Variants in RESF1 observed in about 807,000 individuals in gnomAD.
RESF1 encodes the protein gonad expressed transcript.
Under a neutral mutation model 134.7 loss-of-function variants are expected in RESF1, and 65 were observed. The observed-to-expected ratio is 0.48, with a 90% CI of 0.40 to 0.59. The LOEUF is 0.59. Ranked by LOEUF, RESF1 falls within the 20% of genes least tolerant of loss-of-function variation. The pLI, the probability that RESF1 is intolerant of heterozygous loss-of-function variation, is 0.00. For synonymous variants in RESF1, 762 were observed against 702.2 expected, an observed-to-expected ratio of 1.09 and a Z score of -1.35; for missense variants, 2,274 against 2,002.7, an observed-to-expected ratio of 1.14 and a Z score of -2.59.
Position 31,982,526 on chromosome 12 carries a change from T to G in RESF1, c.1571T>G (p.Val524Gly), listed in dbSNP as rs775807496. Residue 524 changes from valine to glycine, a missense_variant, in exon 4 of 6, where the codon GTT (valine) becomes GGT (glycine). Val to Gly is a moderately radical substitution (Grantham distance 109). Transcript: ENST00000312561. ...PMPDSSHDVK[V>G]LTSKTSAVEM... ...CCAGACTCATCTCATGATGTGAAAG[T>G]TCTCACTTCAAAGACATCAGCTGTT... 2 of 1,613,704 alleles carry G rather than the reference T, an allele frequency of 1.2e-6. No individual in the cohort carries two copies. The highest frequency in any genetic ancestry group is 3.3e-5 in the Admixed American group (2 of 60,022).
At position 31,980,859 on chromosome 12, in the gene RESF1, A is replaced by C. The variant is rs932872263; in HGVS notation, c.-78-19A>C. 6 of 919,298 alleles carry C rather than the reference A, an allele frequency of 6.5e-6. No individual in the cohort carries two copies. The highest frequency in any genetic ancestry group is 9.7e-6 in the Non-Finnish European group (6 of 615,748). The allele number at this position is 919,298 out of a possible 1,614,324, so 56.9% of individuals were successfully genotyped here. ...CTAGGCAAAACAGCATTTTAATAAAATATCTTTATTTCTTACAGATTCCTG... is the reference window on the plus strand; with the variant it reads ...CTAGGCAAAACAGCATTTTAATAAACTATCTTTATTTCTTACAGATTCCTG... On this transcript the variant is annotated intron_variant, in intron 3 of 5. Transcript: ENST00000312561.
chr12:31,963,358 A>G (rs1184522868), intron 2 of RESF1, among the ~76,000 whole-genome samples: 3 of 150,518 alleles, frequency 2.0e-5, no homozygotes, highest in African/African-American at 7.4e-5. Context: ...AAAAAAAAAA[A>G]GTTCATGGAG....
At chr12:31,967,097 C>T (rs1225552348) in intron 2 of RESF1, among the ~76,000 whole-genome samples, 1 of 152,188 alleles carries the variant, frequency 6.6e-6, no homozygotes, top group Non-Finnish European at 1.5e-5. Flanking sequence ...AGGACTTTAC[C>T]ACCTTGGGGG....
chr12:31,981,801 C>T lies in RESF1; in HGVS notation c.846C>T (p.Tyr282=). The part of the protein sequence containing the change: ...QTDKRPPPPP[Y]NCRYGSQPLQ... ...ACAAAAGACCTCCTCCTCCTCCTTA[C>T]AACTGTAGATATGGAAGCCAGCCTT... Residue 282 remains tyrosine (Y), a synonymous_variant, in exon 4 of 6, where the codon TAC becomes TAT. Transcript: ENST00000312561. 2 of 1,614,006 alleles carry T rather than the reference C, an allele frequency of 1.2e-6. No individual in the cohort carries two copies. The highest frequency in any genetic ancestry group is 1.7e-6 in the Non-Finnish European group (2 of 1,180,038).
rs1339490332 is a variant in RESF1, at chr12:31,983,747, A to T, written c.2792A>T (p.Gln931Leu). ...VEPQKPSLPN[Q>L]QGIGSREPEK... ...CCACAGAAACCTTCTCTACCCAATCAGCAAGGGATTGGCAGCAGAGAACCA... is the reference window on the plus strand; with the variant it reads ...CCACAGAAACCTTCTCTACCCAATCTGCAAGGGATTGGCAGCAGAGAACCA... Residue 931 changes from glutamine to leucine, a missense_variant, in exon 4 of 6, where the codon CAG becomes CTG. Coordinates refer to ENST00000312561, the MANE Select transcript of RESF1 (RefSeq NM_018169.4). 6.2e-7 allele frequency: 1 copy of T among 1,613,754 alleles called. No individual in the cohort carries two copies. Among genetic ancestry groups the T allele is most frequent in the Non-Finnish European group, 8.5e-7 (1 of 1,180,014 alleles).
At position 31,960,771 on chromosome 12, in the gene RESF1, C is replaced by T. The variant is rs1323966843; in HGVS notation, c.-341-6C>T. On this transcript the variant is annotated splice_region_variant and splice_polypyrimidine_tract_variant and intron_variant, in intron 1 of 5. Coordinates refer to ENST00000312561, the MANE Select transcript of RESF1 (RefSeq NM_018169.4). The stretch of plus-strand genomic sequence containing the variant: ...TTTATTATAAAATGTTTCTTGCTGT[C>T]CCTAGGACCAAAGAAGTAAACACTG... 6.6e-6 allele frequency: 1 copy of T among 152,132 alleles called. No homozygotes were observed. Among genetic ancestry groups the T allele is most frequent in the Admixed American group, 6.5e-5 (1 of 15,268 alleles). The allele number at this position is 152,132 out of a possible 1,614,324, so 9.4% of individuals were successfully genotyped here.
intron 3 of RESF1, among the ~76,000 whole-genome samples, chr12:31,978,733 T>TG (rs1939696180): frequency 9.6e-6 from 1 of 104,016 alleles, no homozygotes; most frequent in Non-Finnish European, 2.1e-5. Flanking sequence ...TTTTTTTTTT[T>TG]GTATATTTAG....
Position 31,960,069 on chromosome 12 carries a change from C to T in RESF1, c.-342+578C>T, listed in dbSNP as rs114920211. On this transcript the variant is annotated intron_variant, in intron 1 of 5. Transcript: ENST00000312561. ...GTACTGGCATCTATCTCCAAGTGGT[C>T]CGCGAACGCTTCTGCGCCGGCGATG... Among the ~76,000 whole-genome samples, 1,077 of 152,042 alleles carry T rather than the reference C, an allele frequency of 7.1e-3. 11 individuals carry two copies. Among genetic ancestry groups the T allele is most frequent in the African/African-American group, 0.024 (998 of 41,466 alleles).
intron 3 of RESF1, among the ~76,000 whole-genome samples, chr12:31,976,794 G>T (rs1422123034): frequency 1.3e-5 from 2 of 152,086 alleles, no homozygotes; most frequent in Admixed American, 6.6e-5. Context: ...GGAGGAGGAG[G>T]GAAGAGAAGG....
Position 31,992,688 on chromosome 12 carries a change from A to C in RESF1, c.*153A>C. On this transcript the variant is annotated 3_prime_UTR_variant, in exon 6 of 6. Coordinates refer to ENST00000312561, the MANE Select transcript of RESF1 (RefSeq NM_018169.4). ...ATTTCATTGAAAGTGCTTAATTAAA[A>C]TGGCTTGAGAACTTTGGGTAGCCAT... 1 of 768,706 alleles carries C rather than the reference A, an allele frequency of 1.3e-6. No homozygotes were observed. The highest frequency in any genetic ancestry group is 2.7e-5 in the East Asian group (1 of 37,718). 47.6% of individuals were successfully genotyped at this position (768,706 alleles called of 1,614,324 possible).
intron 5 of RESF1, among the ~76,000 whole-genome samples, chr12:31,991,975 C>G (rs1409036012): frequency 6.6e-6 from 1 of 152,192 alleles, no homozygotes; most frequent in African/African-American, 2.4e-5. Flanking sequence ...ATGGCAAGAC[C>G]AAAATATGAA....
chr12:31,960,336 G>T (rs529293364), intron 1 of RESF1, among the ~76,000 whole-genome samples: 4 of 152,196 alleles, frequency 2.6e-5, no homozygotes, highest in Middle Eastern at 3.4e-3. Context: ...GTGGCGGGCG[G>T]GTGCATTTCA....
Position 31,983,671 on chromosome 12 carries a change from A to T in RESF1, c.2716A>T (p.Asn906Tyr). Residue 906 changes from asparagine (N) to tyrosine (Y), a missense_variant, in exon 4 of 6, where the codon AAT becomes TAT. Coordinates refer to ENST00000312561, the MANE Select transcript of RESF1 (RefSeq NM_018169.4). ...TCTGGTTGAAGGTGATACCTCTTAC[A>T]ATTCCCAAATAGCAAAGATATTCAG... is the stretch of plus-strand genomic sequence containing the variant. ...CSLVEGDTSY[N>Y]SQIAKIFSSL... The T allele has an allele frequency of 6.2e-7, 1 of 1,614,010 alleles. No individual in the cohort carries two copies. Among genetic ancestry groups the T allele is most frequent in the Non-Finnish European group, 8.5e-7 (1 of 1,179,984 alleles).
intron 5 of RESF1, 105 bp downstream of exon 5, chr12:31,987,427 C>CT (rs58806380): frequency 0.094 from 43,734 of 466,438 alleles, 563 homozygotes; most frequent in African/African-American, 0.18. Flanking sequence ...TATCCATGTT[C>CT]TTTTTTTTTT....
chr12:31,981,021 T>A lies in RESF1; in HGVS notation c.66T>A (p.Pro22=), dbSNP rs1375424616. ...LPPLYPKSQP[P]FLHQSLINQI... ...CACTGTATCCTAAAAGCCAGCCACC[T>A]TTTTTGCACCAGTCTTTAATAAACC... is the stretch of plus-strand genomic sequence containing the variant. The change falls in exon 4 of 6, where the codon CCT becomes CCA. Residue 22 remains proline (P), a synonymous_variant. Coordinates refer to ENST00000312561, the MANE Select transcript of RESF1 (RefSeq NM_018169.4). The A allele has an allele frequency of 6.2e-7, 1 of 1,613,660 alleles. No individual in the cohort carries two copies.
At position 31,981,393 on chromosome 12, in the gene RESF1, ACCCAATAT is replaced by A; in HGVS notation, c.439_446del (p.Pro147AlafsTer23). ...ATCAAACTGATTTTGGAGCTAACGT[ACCCAATAT>A]GCCGGCACTACAGAGTCAACTGATA... On this transcript the variant is annotated frameshift_variant, in exon 4 of 6. Transcript: ENST00000312561. LOFTEE classifies it high-confidence loss of function. The A allele has an allele frequency of 6.2e-7, 1 of 1,614,048 alleles. No homozygotes were observed. The highest frequency in any genetic ancestry group is 8.5e-7 in the Non-Finnish European group (1 of 1,179,934).
At chr12:31,986,687 T>C (rs1939978012) in intron 4 of RESF1, among the ~76,000 whole-genome samples, 1 of 152,170 alleles carries the variant, frequency 6.6e-6, no homozygotes, top group Non-Finnish European at 1.5e-5. Flanking sequence ...CATTTAGACA[T>C]AGTGGATATT....
chr12:31,983,889 C>T lies in RESF1; in HGVS notation c.2934C>T (p.Pro978=). ...GTGATCAGTCAAAGTCAGAGCCACC[C>T]TTAGAGTCATCTTTTAACAATCTTG... ...KICDQSKSEP[P]LESSFNNLET... The change falls in exon 4 of 6, where the codon CCC becomes CCT. Residue 978 remains proline, a synonymous_variant. Transcript: ENST00000312561. 6.2e-7 allele frequency: 1 copy of T among 1,613,798 alleles called. No individual in the cohort carries two copies. Among genetic ancestry groups the T allele is most frequent in the Non-Finnish European group, 8.5e-7 (1 of 1,180,018 alleles).
intron 2 of RESF1, among the ~76,000 whole-genome samples, chr12:31,969,340 A>G (rs1939460606): frequency 6.6e-6 from 1 of 152,180 alleles, no homozygotes; most frequent in Non-Finnish European, 1.5e-5. Flanking sequence ...CCTCATCTCT[A>G]CAAAACATTA....
Sources: gnomAD v4.1 joint callset for allele counts (sites outside exome capture counted in the v4.1 genomes callset) on GRCh38, gnomAD v4.1.1 for gene constraint, MANE v1.5 for transcripts, NCBI Gene and HGNC (gene_info 2026-07-23, HGNC 2026-07-21) for gene names.